Variants in BCAS1 observed in about 807,000 individuals in gnomAD.
BCAS1 encodes the protein brain enriched myelin associated protein 1.
In BCAS1, 46 loss-of-function variants were observed where a neutral mutation model predicts 65.4. The observed-to-expected ratio is 0.70, with a 90% CI of 0.55 to 0.90. BCAS1 has a LOEUF of 0.90. BCAS1 is among the 40% of genes least tolerant of loss of function. The probability of loss-of-function intolerance (pLI) is 0.00; values close to 1 mark genes in which losing one functional copy is unlikely to be tolerated. For synonymous variants in BCAS1, 298 were observed against 293.5 expected, an observed-to-expected ratio of 1.02 and a Z score of -0.16; for missense variants, 793 against 771.2, an observed-to-expected ratio of 1.03 and a Z score of -0.33.
At chr20:53,974,842 T>C (rs2090282343) in intron 9 of BCAS1, among the ~76,000 whole-genome samples, 1 of 152,154 alleles carries the variant, frequency 6.6e-6, no homozygotes, top group South Asian at 2.1e-4. Context: ...ACAATTCCTC[T>C]AGAAGATTAA....
chr20:54,051,336 T>C lies in BCAS1; in HGVS notation c.142+6749A>G, dbSNP rs147728865. Reference sequence around the variant, plus strand: ...ATCTCTGTACGCAACAGGAGGGTGATGTGCTCAACTGTGAAGTGTGGTCCT... The same window carrying C: ...ATCTCTGTACGCAACAGGAGGGTGACGTGCTCAACTGTGAAGTGTGGTCCT... On this transcript the variant is annotated intron_variant, in intron 3 of 12. Coordinates refer to ENST00000688948, the MANE Select transcript of BCAS1 (RefSeq NM_001366298.2). Among the ~76,000 whole-genome samples, 917 of 152,338 alleles carry C rather than the reference T, an allele frequency of 6.0e-3. 4 individuals carry two copies. Among genetic ancestry groups the C allele is most frequent in the South Asian group, 0.028 (135 of 4,818 alleles).
chr20:53,990,123 C>A (rs1048644766), intron 7 of BCAS1, among the ~76,000 whole-genome samples: 1 of 152,070 alleles, frequency 6.6e-6, no homozygotes, highest in Admixed American at 6.6e-5. Flanking sequence ...ACACCAAGAA[C>A]CAAAAACAAT....
At chr20:54,011,157 A>G (rs1031575518) in intron 4 of BCAS1, among the ~76,000 whole-genome samples, 3 of 76,980 alleles carry the variant, frequency 3.9e-5, no homozygotes, top group Non-Finnish European at 7.6e-5. Flanking sequence ...AATTTCTGAG[A>G]CCTATGGTTA....
At chr20:54,054,302 A>G (rs1350613269) in intron 3 of BCAS1, among the ~76,000 whole-genome samples, 1 of 152,196 alleles carries the variant, frequency 6.6e-6, no homozygotes, top group African/African-American at 2.4e-5. Flanking sequence ...TAAGTAGGAA[A>G]AGTATAGATA....
intron 3 of BCAS1, among the ~76,000 whole-genome samples, chr20:54,048,466 G>A (rs1266874423): frequency 1.3e-5 from 2 of 152,122 alleles, no homozygotes; most frequent in African/African-American, 4.8e-5. Context: ...TGGTGGCAGA[G>A]GCTTCAGGGA....
intron 3 of BCAS1, among the ~76,000 whole-genome samples, chr20:54,035,249 A>C (rs531434469): frequency 4.7e-5 from 7 of 150,448 alleles, no homozygotes; most frequent in Non-Finnish European, 8.9e-5. Context: ...AAATACAAAA[A>C]ATTAGCCGGG....
intron 9 of BCAS1, among the ~76,000 whole-genome samples, chr20:53,967,811 G>T (rs1428190728): frequency 2.6e-5 from 4 of 152,192 alleles, no homozygotes. Context: ...GTGTTCTTTT[G>T]CAGTGCCTCA....
At chr20:54,034,939 A>G (rs1031860038) in intron 3 of BCAS1, among the ~76,000 whole-genome samples, 3 of 151,404 alleles carry the variant, frequency 2.0e-5, no homozygotes, top group African/African-American at 7.3e-5. Flanking sequence ...AAACAGACAC[A>G]TAGACCAATG....
chr20:53,969,845 C>A (rs776749914), intron 9 of BCAS1, among the ~76,000 whole-genome samples: 56 of 152,246 alleles, frequency 3.7e-4, no homozygotes, highest in Non-Finnish European at 6.8e-4. Context: ...GTATTTTGAT[C>A]CCCTACCTCA....
intron 1 of BCAS1, among the ~76,000 whole-genome samples, chr20:54,067,995 A>C (rs901538718): frequency 6.6e-6 from 1 of 152,224 alleles, no homozygotes. Context: ...CCTGCCCCAC[A>C]GTCCTGCAGC....
At chr20:54,055,185 G>T (rs1485315524) in intron 3 of BCAS1, among the ~76,000 whole-genome samples, 1 of 152,086 alleles carries the variant, frequency 6.6e-6, no homozygotes, top group Non-Finnish European at 1.5e-5. Context: ...TAAAAATTGG[G>T]ACAAAATGAG....
chr20:53,955,279 T>A (rs929104591), intron 11 of BCAS1, among the ~76,000 whole-genome samples: 1 of 152,206 alleles, frequency 6.6e-6, no homozygotes. Context: ...GCAACAGGCA[T>A]CCAGTGTACC....
At chr20:53,973,635 G>A (rs2090242916) in intron 9 of BCAS1, among the ~76,000 whole-genome samples, 1 of 152,238 alleles carries the variant, frequency 6.6e-6, no homozygotes, top group East Asian at 1.9e-4. Context: ...AGATTTTACG[G>A]GCAGCTTTTA....
intron 3 of BCAS1, chr20:54,029,263 G>A (rs1234221631): frequency 1.0e-6 from 1 of 980,330 alleles, no homozygotes; most frequent in African/African-American, 1.8e-5. Context: ...TTTTATCTGT[G>A]TAAGAACTCC....
At chr20:54,063,219 G>T (rs1024445035) in intron 1 of BCAS1, among the ~76,000 whole-genome samples, 1 of 152,208 alleles carries the variant, frequency 6.6e-6, no homozygotes, top group Non-Finnish European at 1.5e-5. Context: ...GGGCTCTGGA[G>T]TTTGGAATCC....
At chr20:54,035,163 A>G (rs1438865841) in intron 3 of BCAS1, among the ~76,000 whole-genome samples, 1 of 151,198 alleles carries the variant, frequency 6.6e-6, no homozygotes, top group East Asian at 1.9e-4. Context: ...TTGTAATCCC[A>G]GCACTTTGGA....
At chr20:53,951,622 C>T (rs895335168) in intron 12 of BCAS1, among the ~76,000 whole-genome samples, 3 of 152,132 alleles carry the variant, frequency 2.0e-5, no homozygotes, top group African/African-American at 7.2e-5. Context: ...CAAGTTGGAC[C>T]CCAAAACTAC....
At chr20:53,992,302 C>T (rs2090780487) in intron 7 of BCAS1, among the ~76,000 whole-genome samples, 1 of 152,158 alleles carries the variant, frequency 6.6e-6, no homozygotes, top group Admixed American at 6.5e-5. Context: ...CCCTGGTCCG[C>T]ACTAGGAAGA....
At position 54,063,978 on chromosome 20, in the gene BCAS1, C is replaced by T. The variant is rs952733058; in HGVS notation, c.-5-5255G>A. 3.9e-5 allele frequency among the ~76,000 whole-genome samples: 6 copies of T among 152,114 alleles called. No homozygotes were observed. In the East Asian group the frequency reaches 5.8e-4, roughly 15 times the overall value. ...ATGACCTTATTTTACATTAAACATA[C>T]GAAGCTATGGTGGGTGGAGGGGTGT... On this transcript the variant is annotated intron_variant, in intron 1 of 12. Coordinates refer to ENST00000688948, the MANE Select transcript of BCAS1 (RefSeq NM_001366298.2).
Sources: allele counts gnomAD v4.1 joint callset (sites outside exome capture counted in the v4.1 genomes callset), GRCh38; gene constraint gnomAD v4.1.1; transcripts MANE v1.5; gene names NCBI Gene and HGNC (gene_info 2026-07-23, HGNC 2026-07-21).